PTPN13: variants seen among roughly 807,000 people sequenced by gnomAD.
The protein encoded by PTPN13 is protein tyrosine phosphatase non-receptor type 13, also known as tyrosine-protein phosphatase non-receptor type 13.
A neutral mutation model predicts 284.0 loss-of-function variants in PTPN13; 191 were observed. The observed-to-expected ratio is 0.67, with a 90% confidence interval of 0.60 to 0.76. PTPN13 has a LOEUF of 0.76. Among genes scored for constraint, PTPN13 ranks in the 30% least tolerant of loss-of-function variants. PTPN13 has a pLI of 0.00. For synonymous variants in PTPN13, 986 were observed against 1,022.3 expected, an observed-to-expected ratio of 0.96 and a Z score of 0.68; for missense variants, 2,797 against 2,939.9, an observed-to-expected ratio of 0.95 and a Z score of 1.12.
At chr4:86,743,433 T>C (rs1212873362) in intron 16 of PTPN13, among the ~76,000 whole-genome samples, 1 of 152,132 alleles carries the variant, frequency 6.6e-6, no homozygotes, top group African/African-American at 2.4e-5. Flanking sequence ...GTTCAGTGTC[T>C]TTGCAAATTC....
intron 5 of PTPN13, chr4:86,689,505 T>G: frequency 1.7e-6 from 1 of 603,474 alleles, no homozygotes; most frequent in East Asian, 2.7e-5. Context: ...AATGCTTCTA[T>G]TGTGAACACC....
rs745511268 is a variant in PTPN13, at chr4:86,689,218, A to G, written c.546+28A>G. ...AAGCTACAGTTACAATAGTAAATAT[A>G]GTCATATTTTAAAATTTAGTAGATA... On this transcript the variant is annotated intron_variant, in intron 5 of 47. Coordinates refer to ENST00000411767, the MANE Select transcript of PTPN13 (RefSeq NM_080683.3). The G allele has an allele frequency of 3.8e-6, 6 of 1,576,984 alleles. No homozygotes were observed. The Admixed American group carries it at 1.0e-4, about 27-fold the overall frequency.
chr4:86,706,338 C>G (rs1731763099), intron 7 of PTPN13, among the ~76,000 whole-genome samples: 1 of 152,152 alleles, frequency 6.6e-6, no homozygotes, highest in Admixed American at 6.5e-5. Context: ...GATGTTGTTA[C>G]TGCCTGGGAC....
At position 86,807,963 on chromosome 4, in the gene PTPN13, T is replaced by C. The variant is rs1265440303; in HGVS notation, c.7083+66T>C. 12 of 1,329,572 alleles carry C rather than the reference T, an allele frequency of 9.0e-6. No homozygotes were observed. In the East Asian group the frequency reaches 2.6e-4, roughly 29 times the overall value. The allele number at this position is 1,329,572 out of a possible 1,614,324, so 82.4% of individuals were successfully genotyped here. On this transcript the variant is annotated intron_variant, in intron 45 of 47. Transcript: ENST00000411767. ...CTAGTTGTAATCCAAGCCTGGACTCTTTCCGTGATTGCACCAATGTTATTT... is the reference window on the plus strand; with the variant it reads ...CTAGTTGTAATCCAAGCCTGGACTCCTTCCGTGATTGCACCAATGTTATTT...
At position 86,753,040 on chromosome 4, in the gene PTPN13, A is replaced by G. The variant is rs774733876; in HGVS notation, c.3198A>G (p.Ser1066=). ...CTATGCATAGTTCTGGAAACTCTTC[A>G]TCCCAAGTACCCTTAAAAGAAAATG... ...GMTMHSSGNS[S]SQVPLKENDV... is the part of the protein sequence containing the mutation. The change falls in exon 20 of 48, where the codon TCA becomes TCG. Residue 1066 remains serine, a synonymous_variant. Transcript: ENST00000411767. The G allele has an allele frequency of 4.4e-6, 7 of 1,608,398 alleles. No homozygotes were observed. The highest frequency in any genetic ancestry group is 1.7e-5 in the Admixed American group (1 of 59,824).
At chr4:86,613,296 T>A (rs1720138035) in intron 1 of PTPN13, among the ~76,000 whole-genome samples, 1 of 152,170 alleles carries the variant, frequency 6.6e-6, no homozygotes, top group Non-Finnish European at 1.5e-5. Context: ...TAAACCACAT[T>A]GTTTGCACAA....
At chr4:86,764,570 T>C (rs756721123) in intron 24 of PTPN13, 23 bp from the exon 25 acceptor site, 1 of 1,392,066 alleles carries the variant, frequency 7.2e-7, no homozygotes, top group Admixed American at 3.4e-5. Context: ...ACAAGAAATC[T>C]TTGTTTGTTT....
rs1396078594 is a variant in PTPN13 at position 86,750,748 on chromosome 4, T to G, written c.2929T>G (p.Ser977Ala). The change falls in exon 18 of 48, where the codon TCT (serine) becomes GCT (alanine). Residue 977 changes from serine to alanine, a missense_variant. Physicochemically the swap from Ser to Ala is moderately conservative, Grantham distance 99 (BLOSUM62 1). Coordinates refer to ENST00000411767, the MANE Select transcript of PTPN13 (RefSeq NM_080683.3). The stretch of plus-strand genomic sequence containing the variant: ...ATCATACCATGATCTCAGTCAGGCC[T>G]CTCTCTATCCACATCGGAAAAATGT... ...SKSYHDLSQASLYPHRKNVIV... is the reference protein window; with the variant it reads ...SKSYHDLSQAALYPHRKNVIV... The G allele has an allele frequency of 1.2e-6, 2 of 1,613,488 alleles. No homozygotes were observed. Among genetic ancestry groups the G allele is most frequent in the African/African-American group, 2.7e-5 (2 of 74,894 alleles).
At position 86,628,766 on chromosome 4, in the gene PTPN13, T is replaced by C. The variant is rs530254292; in HGVS notation, c.-5-6486T>C. On this transcript the variant is annotated intron_variant, in intron 1 of 47. Transcript: ENST00000411767. ...GAACATGCGGTGTTTGGTTTTTTGT[T>C]CTTGCGATAGTTTACTGAGAATGAT... 3.4e-5 allele frequency among the ~76,000 whole-genome samples: 5 copies of C among 145,528 alleles called. No homozygotes were observed. In the South Asian group the frequency reaches 1.2e-3, roughly 34 times the overall value.
Position 86,741,761 on chromosome 4 carries a change from T to G in PTPN13, c.2432T>G (p.Val811Gly). The G allele has an allele frequency of 6.2e-7, 1 of 1,612,794 alleles. No homozygotes were observed. Among genetic ancestry groups the G allele is most frequent in the Non-Finnish European group, 8.5e-7 (1 of 1,179,364 alleles). Residue 811 changes from valine to glycine, a missense_variant, in exon 16 of 48, where the codon GTG becomes GGG. Val to Gly is a moderately radical substitution (Grantham distance 109, BLOSUM62 -3). Coordinates refer to ENST00000411767, the MANE Select transcript of PTPN13 (RefSeq NM_080683.3). ...GVLVFEVHNGVRTLVLRFPWR... is the reference protein window; with the variant it reads ...GVLVFEVHNGGRTLVLRFPWR... ...CTTGTGTTTGAAGTTCACAATGGAG[T>G]GCGCACATTGGTCCTTCGCTTTCCA...
At chr4:86,751,178 G>A (rs934657751) in intron 19 of PTPN13, 54 bp downstream of exon 19, 1 of 1,253,874 alleles carries the variant, frequency 8.0e-7, no homozygotes, top group Non-Finnish European at 1.1e-6. Context: ...TCAGAGGGAA[G>A]TGAACAAGAT....
chr4:86,597,935 CCTGCTTTTTTAAT>C (rs1565109592), intron 1 of PTPN13, among the ~76,000 whole-genome samples: 1 of 152,120 alleles, frequency 6.6e-6, no homozygotes, highest in Admixed American at 6.6e-5. Flanking sequence ...GCCATTGAAT[CCTGCTTTTTTAAT>C]TTTTGTTTTG....
At chr4:86,758,848 C>T in intron 22 of PTPN13, 63 bp downstream of exon 22, 1 of 1,585,926 alleles carries the variant, frequency 6.3e-7, no homozygotes, top group South Asian at 1.1e-5. Flanking sequence ...GGAACTTAGG[C>T]CAAACTAAAA....
intron 6 of PTPN13, among the ~76,000 whole-genome samples, chr4:86,700,962 A>T (rs1639015194): frequency 1.3e-5 from 2 of 152,194 alleles, no homozygotes; most frequent in African/African-American, 2.4e-5. Context: ...TTTTAAAACC[A>T]AATAATTCAC....
chr4:86,737,667 A>C (rs1735680795), intron 15 of PTPN13, among the ~76,000 whole-genome samples: 1 of 151,620 alleles, frequency 6.6e-6, no homozygotes, highest in South Asian at 2.1e-4. Context: ...TTTTTTTCTA[A>C]AATGTCATGT....
chr4:86,813,319 C>CA (rs543796851), intron 47 of PTPN13, among the ~76,000 whole-genome samples: 6 of 152,052 alleles, frequency 3.9e-5, no homozygotes, highest in African/African-American at 1.4e-4. Flanking sequence ...AATTCCTTGC[C>CA]AAAAAAAGTC....
At chr4:86,626,769 A>C (rs558291308) in intron 1 of PTPN13, among the ~76,000 whole-genome samples, 29 of 152,260 alleles carry the variant, frequency 1.9e-4, no homozygotes, top group African/African-American at 6.7e-4. Context: ...TTGAACCTTA[A>C]GTTTTAGGGG....
chr4:86,647,290 G>C (rs1378477166), intron 2 of PTPN13, among the ~76,000 whole-genome samples: 2 of 151,984 alleles, frequency 1.3e-5, no homozygotes, highest in Non-Finnish European at 2.9e-5. Flanking sequence ...TTCAAAAACT[G>C]TTTAAATTTA....
intron 2 of PTPN13, among the ~76,000 whole-genome samples, chr4:86,643,908 A>G (rs1724107414): frequency 6.6e-6 from 1 of 152,174 alleles, no homozygotes; most frequent in African/African-American, 2.4e-5. Context: ...TTAAAAATTG[A>G]TAACACTCTT....
Sources: allele counts gnomAD v4.1 joint callset (sites outside exome capture counted in the v4.1 genomes callset), GRCh38; gene constraint gnomAD v4.1.1; transcripts MANE v1.5; gene names NCBI Gene and HGNC (gene_info 2026-07-23, HGNC 2026-07-21).